CADPS2: variants seen among roughly 807,000 people sequenced by gnomAD.
CADPS2 encodes the protein calcium dependent secretion activator 2, also known as calcium-dependent secretion activator 2.
CADPS2 carries 93 observed loss-of-function variants against 172.5 expected under a neutral mutation model. That is an observed-to-expected ratio of 0.54 (90% CI 0.46 to 0.64). The LOEUF is 0.64. Among genes scored for constraint, CADPS2 ranks in the 30% least tolerant of loss-of-function variants. The pLI, the probability that CADPS2 is intolerant of heterozygous loss-of-function variation, is 0.00. For missense variants in CADPS2, 1,420 were observed against 1,565.9 expected, an observed-to-expected ratio of 0.91 and a Z score of 1.57; for synonymous variants, 546 against 555.2, an observed-to-expected ratio of 0.98 and a Z score of 0.23.
chr7:122,569,645 C>T (rs1252704124), intron 7 of CADPS2, among the ~76,000 whole-genome samples: 8 of 138,532 alleles, frequency 5.8e-5, no homozygotes, highest in African/African-American at 2.4e-4. Flanking sequence ...TACAAGGCTA[C>T]AGTAACCAAA....
At chr7:122,840,600 AG>A (rs1810179974) in intron 1 of CADPS2, among the ~76,000 whole-genome samples, 3 of 151,328 alleles carry the variant, frequency 2.0e-5, no homozygotes, top group Admixed American at 1.3e-4. Context: ...GAAAAAACTT[AG>A]GGTAGGCCGA....
At chr7:122,373,808 TC>T (rs1057248492) in intron 25 of CADPS2, among the ~76,000 whole-genome samples, 14 of 151,936 alleles carry the variant, frequency 9.2e-5, no homozygotes, top group Admixed American at 8.5e-4. Context: ...AGAAGTGAAT[TC>T]CACCAAACAT....
chr7:122,578,777 G>C (rs2068397871), intron 7 of CADPS2, among the ~76,000 whole-genome samples: 1 of 152,106 alleles, frequency 6.6e-6, no homozygotes, highest in Non-Finnish European at 1.5e-5. Context: ...GAGAGAACAA[G>C]GTGGTAAATG....
intron 2 of CADPS2, among the ~76,000 whole-genome samples, chr7:122,707,645 T>G (rs957298906): frequency 2.6e-5 from 4 of 151,898 alleles, no homozygotes; most frequent in African/African-American, 9.7e-5. Flanking sequence ...GTATGTTTTT[T>G]TTGCAAGAAA....
chr7:122,735,581 T>C (rs1346705690), intron 2 of CADPS2, among the ~76,000 whole-genome samples: 2 of 152,124 alleles, frequency 1.3e-5, no homozygotes, highest in African/African-American at 4.8e-5. Context: ...TTTTAAAAAC[T>C]CACTTATTTT....
intron 2 of CADPS2, among the ~76,000 whole-genome samples, chr7:122,684,967 AAACTT>A (rs1442177954): frequency 1.3e-5 from 2 of 152,214 alleles, no homozygotes; most frequent in African/African-American, 4.8e-5. Flanking sequence ...AATGAACCCA[AAACTT>A]AACTAAATTT....
chr7:122,568,171 G>A (rs1428707417), intron 7 of CADPS2, among the ~76,000 whole-genome samples: 2 of 152,090 alleles, frequency 1.3e-5, no homozygotes, highest in African/African-American at 2.4e-5. Flanking sequence ...GGCCAAGGTG[G>A]GTGGACTGCT....
intron 3 of CADPS2, among the ~76,000 whole-genome samples, chr7:122,637,516 TG>T (rs2134390816): frequency 1.3e-5 from 2 of 152,344 alleles, no homozygotes; most frequent in South Asian, 4.1e-4. Context: ...GAAGTTCAGT[TG>T]ATTTCTTCTT....
intron 1 of CADPS2, among the ~76,000 whole-genome samples, chr7:122,752,230 GCA>G (rs1350235352): frequency 6.6e-6 from 1 of 151,930 alleles, no homozygotes; most frequent in Non-Finnish European, 1.5e-5. Flanking sequence ...AATTTCTCTT[GCA>G]CAAAATTCTA....
At position 122,345,554 on chromosome 7, in the gene CADPS2, T is replaced by G. The variant is rs1158690592; in HGVS notation, c.3612+20A>C. ...AGTTTATCTATGGTGTCAGCATACCTTGCAAGGGAAGCTACTTACATCAAA... is the reference window on the plus strand; with the variant it reads ...AGTTTATCTATGGTGTCAGCATACCGTGCAAGGGAAGCTACTTACATCAAA... On this transcript the variant is annotated intron_variant, in intron 28 of 29. Coordinates refer to ENST00000449022, the MANE Select transcript of CADPS2 (RefSeq NM_017954.11). The G allele has an allele frequency of 2.4e-5, 35 of 1,431,934 alleles. No individual in the cohort carries two copies. The highest frequency in any genetic ancestry group is 3.3e-5 in the Non-Finnish European group (34 of 1,017,894). The allele number at this position is 1,431,934 out of a possible 1,614,324, so 88.7% of individuals were successfully genotyped here. A position where few individuals can be genotyped will look rare whatever the true frequency, so the allele number is the denominator to read the frequency against.
intron 5 of CADPS2, 95 bp from the exon 6 acceptor site, chr7:122,615,394 A>G: frequency 1.3e-6 from 1 of 745,834 alleles, no homozygotes; most frequent in Non-Finnish European, 2.0e-6. Context: ...GAAGATTGAC[A>G]AAACTGAAAA....
At chr7:122,692,404 A>G (rs959815315) in intron 2 of CADPS2, among the ~76,000 whole-genome samples, 1 of 152,142 alleles carries the variant, frequency 6.6e-6, no homozygotes, top group Non-Finnish European at 1.5e-5. Context: ...CTGGGCATGC[A>G]ATTCCTGCAG....
intron 11 of CADPS2, 96 bp downstream of exon 11, chr7:122,489,985 A>C: frequency 1.0e-6 from 1 of 976,428 alleles, no homozygotes; most frequent in South Asian, 1.6e-5. Context: ...GGAATCAATT[A>C]ATGATGTAAA....
rs186746509 is a variant in CADPS2 at position 122,718,255 on chromosome 7, C to A, written c.453+18700G>T. On this transcript the variant is annotated intron_variant, in intron 2 of 29. Transcript: ENST00000449022. ...CATCTTAATTTGACTACTCAAAGAACTGCCTGTCAGCATTCTCCATCATAT... is the reference window on the plus strand; with the variant it reads ...CATCTTAATTTGACTACTCAAAGAAATGCCTGTCAGCATTCTCCATCATAT... 3.9e-5 allele frequency among the ~76,000 whole-genome samples: 6 copies of A among 152,126 alleles called. No homozygotes were observed. The East Asian group carries it at 1.2e-3, about 30-fold the overall frequency.
chr7:122,670,792 T>C (rs1338460924), intron 2 of CADPS2, among the ~76,000 whole-genome samples: 1 of 150,684 alleles, frequency 6.6e-6, no homozygotes, highest in Non-Finnish European at 1.5e-5. Context: ...TGAGCCATGG[T>C]GCCCAGCCAT....
intron 3 of CADPS2, among the ~76,000 whole-genome samples, chr7:122,661,726 A>C (rs1050988943): frequency 2.0e-5 from 3 of 152,184 alleles, no homozygotes; most frequent in African/African-American, 7.2e-5. Context: ...CAGAGGAAAA[A>C]ATATGTTTTT....
chr7:122,471,596 T>TTTTC, intron 13 of CADPS2, 34 bp from the exon 14 acceptor site: 1 of 1,509,664 alleles, frequency 6.6e-7, no homozygotes, highest in Non-Finnish European at 8.9e-7. Flanking sequence ...TATACATGTT[T>TTTTC]TTTCTTTCTA....
chr7:122,569,610 C>G (rs1248520546), intron 7 of CADPS2, among the ~76,000 whole-genome samples: 2 of 127,554 alleles, frequency 1.6e-5, no homozygotes, highest in African/African-American at 3.7e-5. Flanking sequence ...CTGGAGGCAT[C>G]ACACTACCTG....
intron 3 of CADPS2, among the ~76,000 whole-genome samples, chr7:122,644,648 A>G (rs1441241347): frequency 1.3e-5 from 2 of 152,170 alleles, no homozygotes; most frequent in Non-Finnish European, 2.9e-5. Flanking sequence ...TCCAAGAGGC[A>G]GCCCCCTCAA....
Sources: allele counts gnomAD v4.1 joint callset (sites outside exome capture counted in the v4.1 genomes callset), GRCh38; gene constraint gnomAD v4.1.1; transcripts MANE v1.5; gene names NCBI Gene and HGNC (gene_info 2026-07-23, HGNC 2026-07-21).